Variants in GLP2R observed in about 807,000 individuals in gnomAD.
The protein encoded by GLP2R is glucagon like peptide 2 receptor.
GLP2R carries 59 observed loss-of-function variants against 68.2 expected under a neutral mutation model. That is an observed-to-expected ratio of 0.87 (90% CI 0.70 to 1.07). GLP2R has a LOEUF of 1.07. Among genes scored for constraint, GLP2R ranks in the 50% least tolerant of loss-of-function variants. The pLI, the probability that GLP2R is intolerant of heterozygous loss-of-function variation, is 0.00. For synonymous variants in GLP2R, 270 were observed against 265.4 expected, an observed-to-expected ratio of 1.02 and a Z score of -0.17; for missense variants, 548 against 677.4, an observed-to-expected ratio of 0.81 and a Z score of 2.12.
rs60266643 is a variant in GLP2R, at chr17:9,845,748, CGT to C, written c.504+3157_504+3158del. Among the ~76,000 whole-genome samples, 746 of 148,340 alleles carry C rather than the reference CGT, an allele frequency of 5.0e-3. 5 individuals are homozygous for C. The highest frequency in any genetic ancestry group is 0.015 in the African/African-American group (605 of 40,704). ...TTGGTTGGATTTATGTGTGTGTGTG[CGT>C]GTGTGTGTGTGTGTGTGTGTGTGTA... On this transcript the variant is annotated intron_variant, in intron 4 of 12. Coordinates refer to ENST00000262441, the MANE Select transcript of GLP2R (RefSeq NM_004246.3).
chr17:9,826,902 C>A (rs375459698), intron 1 of GLP2R, among the ~76,000 whole-genome samples: 3 of 152,128 alleles, frequency 2.0e-5, no homozygotes, highest in East Asian at 1.9e-4. Flanking sequence ...GATGGGGTCT[C>A]GCTCTGTCGC....
intron 12 of GLP2R, 150 bp from the exon 13 acceptor site, chr17:9,889,220 T>A: frequency 1.6e-6 from 1 of 609,330 alleles, no homozygotes; most frequent in Non-Finnish European, 2.9e-6. Flanking sequence ...ACCAGACATG[T>A]TTATGTATCT....
intron 9 of GLP2R, chr17:9,865,916 G>A (rs138587397): frequency 1.9e-5 from 9 of 471,170 alleles, no homozygotes; most frequent in Admixed American, 9.4e-5. Context: ...CCATGAACTT[G>A]TAAAACACTG....
At chr17:9,879,117 TA>T (rs2067166971) in intron 10 of GLP2R, among the ~76,000 whole-genome samples, 1 of 151,736 alleles carries the variant, frequency 6.6e-6, no homozygotes, top group South Asian at 2.1e-4. Flanking sequence ...AGGAGTTCCT[TA>T]AAAAGTCCAC....
In GLP2R at chr17:9,873,556, C is replaced by CTTTTTTTTTTTT. The variant is rs3073988; in HGVS notation, c.1145+2733_1145+2744dup. On this transcript the variant is annotated intron_variant, in intron 10 of 12. Coordinates refer to ENST00000262441, the MANE Select transcript of GLP2R (RefSeq NM_004246.3). ...GGATATCACAAAAACTATGCATGGA[C>CTTTTTTTTTTTT]TTTTTTTTTTTTTTTTTTTTTTTAG... Among the ~76,000 whole-genome samples, 5 of 52,060 alleles carry CTTTTTTTTTTTT rather than the reference C, an allele frequency of 9.6e-5. 1 individual carries two copies. The highest frequency in any genetic ancestry group is 3.5e-4 in the African/African-American group (4 of 11,572). 34.2% of individuals were successfully genotyped at this position (52,060 alleles called of 152,430 possible).
At chr17:9,865,857 C>A (rs1220217308) in intron 9 of GLP2R, 2 of 471,176 alleles carry the variant, frequency 4.2e-6, no homozygotes, top group Non-Finnish European at 8.8e-6. Flanking sequence ...AGGAAACGGG[C>A]TTGAAGAGAA....
At position 9,880,444 on chromosome 17, in the gene GLP2R, CACT is replaced by C; in HGVS notation, c.1213_1215del (p.Thr405del). ...TTCATGAGATCCTCTTCTCTTTCAT[CACT>C]GATGATCAAGTTGAAGGATTTGCAA... On this transcript the variant is annotated inframe_deletion, in exon 11 of 13. Transcript: ENST00000262441. 1 of 1,597,478 alleles carries C rather than the reference CACT, an allele frequency of 6.3e-7. No individual in the cohort carries two copies. Among genetic ancestry groups the C allele is most frequent in the Non-Finnish European group, 8.6e-7 (1 of 1,166,576 alleles).
intron 10 of GLP2R, among the ~76,000 whole-genome samples, chr17:9,879,740 G>A (rs770351078): frequency 1.9e-4 from 29 of 152,116 alleles, no homozygotes; most frequent in African/African-American, 2.7e-4. Context: ...CCTCCACGCC[G>A]CACTTTTTAT....
chr17:9,857,260 T>C (rs1262434715), intron 5 of GLP2R, among the ~76,000 whole-genome samples, 163 bp from the exon 6 acceptor site: 3 of 152,178 alleles, frequency 2.0e-5, no homozygotes, highest in Non-Finnish European at 4.4e-5. Context: ...ATGACGAAAC[T>C]GAGGCACAGA....
intron 9 of GLP2R, among the ~76,000 whole-genome samples, chr17:9,863,836 G>C (rs1040928771): frequency 1.3e-5 from 2 of 152,160 alleles, no homozygotes; most frequent in African/African-American, 4.8e-5. Context: ...TTCTGCCACT[G>C]TAAGCCCCAT....
intron 4 of GLP2R, among the ~76,000 whole-genome samples, chr17:9,849,438 C>G (rs2066871343): frequency 1.3e-5 from 2 of 152,088 alleles, no homozygotes; most frequent in South Asian, 4.1e-4. Flanking sequence ...CTATTTCATC[C>G]ATATTTAATA....
chr17:9,836,532 T>C (rs1410408486), intron 3 of GLP2R, 57 bp downstream of exon 3: 2 of 957,056 alleles, frequency 2.1e-6, no homozygotes, highest in Non-Finnish European at 3.4e-6. Flanking sequence ...TGAAGTCCTC[T>C]TCCCCCACAA....
At chr17:9,867,531 C>T (rs960536358) in intron 9 of GLP2R, among the ~76,000 whole-genome samples, 2 of 152,182 alleles carry the variant, frequency 1.3e-5, no homozygotes, top group Non-Finnish European at 2.9e-5. Flanking sequence ...ACTACTTCAC[C>T]TGTCATCTGA....
rs938778824 is a variant in GLP2R, at chr17:9,854,712, G to A, written c.611+111G>A. On this transcript the variant is annotated intron_variant, in intron 5 of 12. Transcript: ENST00000262441. ...AGATGCCTGAAACCAGGGGTAGAAC[G>A]AAACATAGTGTTCAAACCAGGGATA... The A allele has an allele frequency of 8.5e-5, 62 of 728,164 alleles. No homozygotes were observed. The East Asian group carries it at 9.8e-4, about 12-fold the overall frequency. The allele number at this position is 728,164 out of a possible 1,614,324, so 45.1% of individuals were successfully genotyped here. A position where few individuals can be genotyped will look rare whatever the true frequency, so the allele number is the denominator to read the frequency against.
chr17:9,839,821 G>A (rs2066768495), intron 3 of GLP2R, among the ~76,000 whole-genome samples: 1 of 151,996 alleles, frequency 6.6e-6, no homozygotes, highest in Non-Finnish European at 1.5e-5. Flanking sequence ...TCAGTACCTT[G>A]GCTCGCACAC....
chr17:9,836,476 G>T lies in GLP2R; in HGVS notation c.382+1G>T. On this transcript the variant is annotated splice_donor_variant, in intron 3 of 12. Coordinates refer to ENST00000262441, the MANE Select transcript of GLP2R (RefSeq NM_004246.3). LOFTEE classifies it high-confidence loss of function. The stretch of plus-strand genomic sequence containing the variant: ...TCATACTTACCTTGGTGGAGTGAAG[G>T]TAATAAGTCTTATTTTTACCAATTT... 1 of 1,567,716 alleles carries T rather than the reference G, an allele frequency of 6.4e-7. No individual in the cohort carries two copies. The highest frequency in any genetic ancestry group is 8.8e-7 in the Non-Finnish European group (1 of 1,137,698).
intron 9 of GLP2R, among the ~76,000 whole-genome samples, chr17:9,865,335 T>C (rs375863584): frequency 8.1e-5 from 12 of 148,608 alleles, no homozygotes; most frequent in Non-Finnish European, 1.8e-4. Flanking sequence ...TGTGTGTGTG[T>C]GCAGACCTCT....
chr17:9,883,320 G>T (rs1051055964), intron 11 of GLP2R, among the ~76,000 whole-genome samples: 6 of 151,926 alleles, frequency 3.9e-5, no homozygotes, highest in African/African-American at 1.4e-4. Flanking sequence ...GGAAAAGAAA[G>T]AAAAAAGAAT....
chr17:9,881,967 C>G (rs939409546), intron 11 of GLP2R, among the ~76,000 whole-genome samples: 1 of 151,110 alleles, frequency 6.6e-6, no homozygotes, highest in Non-Finnish European at 1.5e-5. Context: ...TCTACAAAAG[C>G]TCTCCCCAAA....
Sources: allele counts gnomAD v4.1 joint callset (sites outside exome capture counted in the v4.1 genomes callset), GRCh38; gene constraint gnomAD v4.1.1; transcripts MANE v1.5; gene names NCBI Gene and HGNC (gene_info 2026-07-23, HGNC 2026-07-21).